COL15A1: variants seen among roughly 807,000 people sequenced by gnomAD.
COL15A1 encodes collagen alpha-1(XV) chain.
COL15A1 carries 111 observed loss-of-function variants against 165.9 expected under a neutral mutation model. That is an observed-to-expected ratio of 0.67 (90% CI 0.57 to 0.78). The LOEUF is 0.78. Among genes scored for constraint, COL15A1 ranks in the 30% least tolerant of loss-of-function variants. COL15A1 has a pLI of 0.00. For synonymous variants in COL15A1, 659 were observed against 674.8 expected, an observed-to-expected ratio of 0.98 and a Z score of 0.36; for missense variants, 1,745 against 1,789.7, an observed-to-expected ratio of 0.98 and a Z score of 0.45.
intron 28 of COL15A1, among the ~76,000 whole-genome samples, chr9:99,048,635 G>T (rs1172783178): frequency 2.6e-5 from 4 of 151,782 alleles, no homozygotes; most frequent in African/African-American, 9.7e-5. Context: ...TTGGTGTGCT[G>T]CACCCATTAA....
chr9:98,955,461 T>A (rs1020188805), intron 2 of COL15A1, among the ~76,000 whole-genome samples: 1 of 152,196 alleles, frequency 6.6e-6, no homozygotes, highest in African/African-American at 2.4e-5. Flanking sequence ...AGCATTTGAA[T>A]AAGTTAATGA....
In COL15A1 at chr9:98,985,737, C is replaced by A; in HGVS notation, c.273C>A (p.Phe91Leu). 6.2e-7 allele frequency: 1 copy of A among 1,614,202 alleles called. No homozygotes were observed. Among genetic ancestry groups the A allele is most frequent in the Non-Finnish European group, 8.5e-7 (1 of 1,180,048 alleles). The change falls in exon 3 of 42, where the codon TTC becomes TTA. Residue 91 changes from phenylalanine to leucine, a missense_variant. By Grantham distance (22) the Phe-to-Leu change is conservative. Transcript: ENST00000375001. ...TLIPSTFFRDFAISVVVKPSS... is the reference protein window; with the variant it reads ...TLIPSTFFRDLAISVVVKPSS... ...TCCCATCCACCTTCTTCAGGGACTTCGCCATCAGCGTCGTGGTGAAGCCCA... is the reference window on the plus strand; with the variant it reads ...TCCCATCCACCTTCTTCAGGGACTTAGCCATCAGCGTCGTGGTGAAGCCCA...
chr9:98,966,100 T>A (rs1837951939), intron 2 of COL15A1, among the ~76,000 whole-genome samples: 1 of 152,124 alleles, frequency 6.6e-6, no homozygotes, highest in South Asian at 2.1e-4. Context: ...CCCTCCTGAC[T>A]CTTCTTCTGG....
chr9:99,010,608 C>A (rs1838834375), intron 9 of COL15A1, among the ~76,000 whole-genome samples: 1 of 152,172 alleles, frequency 6.6e-6, no homozygotes, highest in Non-Finnish European at 1.5e-5. Flanking sequence ...CTCCAGCAAA[C>A]CTTCTGTCGG....
Position 99,052,392 on chromosome 9 carries a change from A to AG in COL15A1, c.2909_2910insG (p.Asp970GlufsTer17), listed in dbSNP as rs1367773415. ...CTGGCCTTCCTCTCTTTCCAGGTTG[A>AG]TACTGCTCATCCTGGGAGTCCAGAG... On this transcript the variant is annotated frameshift_variant, in exon 31 of 42. Transcript: ENST00000375001. LOFTEE classifies it high-confidence loss of function. 6.2e-7 allele frequency: 1 copy of AG among 1,612,212 alleles called. No individual in the cohort carries two copies. Among genetic ancestry groups the AG allele is most frequent in the Non-Finnish European group, 8.5e-7 (1 of 1,178,248 alleles).
At position 98,964,937 on chromosome 9, in the gene COL15A1, C is replaced by T. The variant is rs535080002; in HGVS notation, c.101-20628C>T. ...TGAAGCTATGAGCTCGTTCTGACTG[C>T]GCTGCTTGTCTGCCCTGGCTGAATT... On this transcript the variant is annotated intron_variant, in intron 2 of 41. Transcript: ENST00000375001. 7.2e-5 allele frequency among the ~76,000 whole-genome samples: 11 copies of T among 152,316 alleles called. No individual in the cohort carries two copies. The South Asian group carries it at 1.0e-3, about 14-fold the overall frequency.
chr9:98,985,046 C>T (rs1285313641), intron 2 of COL15A1, among the ~76,000 whole-genome samples: 1 of 152,192 alleles, frequency 6.6e-6, no homozygotes, highest in Non-Finnish European at 1.5e-5. Context: ...CCCACCTGGG[C>T]CTCCCAAAAT....
intron 2 of COL15A1, among the ~76,000 whole-genome samples, chr9:98,965,852 C>A (rs1837947895): frequency 6.6e-6 from 1 of 152,172 alleles, no homozygotes; most frequent in African/African-American, 2.4e-5. Flanking sequence ...GGTGTCTGGT[C>A]CTTTTTTTCC....
At chr9:98,969,383 C>G (rs1484202892) in intron 2 of COL15A1, among the ~76,000 whole-genome samples, 4 of 152,252 alleles carry the variant, frequency 2.6e-5, no homozygotes, top group Admixed American at 2.6e-4. Flanking sequence ...TCGAGAAACT[C>G]TGGCTCAGAG....
chr9:98,952,738 TC>T (rs1837710324), intron 2 of COL15A1, among the ~76,000 whole-genome samples: 1 of 152,216 alleles, frequency 6.6e-6, no homozygotes, highest in African/African-American at 2.4e-5. Context: ...TCCCCAGGTT[TC>T]CCCCAAGTAC....
chr9:99,054,496 G>A, intron 31 of COL15A1, 80 bp from the exon 32 acceptor site: 1 of 1,451,060 alleles, frequency 6.9e-7, no homozygotes, highest in Non-Finnish European at 9.2e-7. Flanking sequence ...AGCTTAGTTT[G>A]AAAACCTGTC....
intron 6 of COL15A1, among the ~76,000 whole-genome samples, chr9:99,000,090 T>G (rs1447220318): frequency 6.6e-6 from 1 of 152,128 alleles, no homozygotes; most frequent in African/African-American, 2.4e-5. Flanking sequence ...AGGCTGGTCT[T>G]GAACTCCTGA....
chr9:98,966,910 T>C (rs1837967165), intron 2 of COL15A1, among the ~76,000 whole-genome samples: 2 of 152,256 alleles, frequency 1.3e-5, no homozygotes, highest in Non-Finnish European at 2.9e-5. Context: ...GAATTCTTTA[T>C]GATTGATGAT....
chr9:99,048,423 G>T (rs1309984093), intron 28 of COL15A1, among the ~76,000 whole-genome samples: 1 of 152,154 alleles, frequency 6.6e-6, no homozygotes, highest in Non-Finnish European at 1.5e-5. Context: ...GGCCTCCCAG[G>T]TTGGCAAACA....
At position 99,070,757 on chromosome 9, in the gene COL15A1, A is replaced by T; in HGVS notation, c.*871A>T. The T allele has an allele frequency of 3.1e-6, 1 of 326,810 alleles. No homozygotes were observed. Among genetic ancestry groups the T allele is most frequent in the Non-Finnish European group, 6.2e-6 (1 of 161,018 alleles). 20.2% of individuals were successfully genotyped at this position (326,810 alleles called of 1,614,324 possible). Reference sequence around the variant, plus strand: ...GGATTTTTTTTCCATGTAAGTGAACATAAAAACATCTTTTCCGGGTGCTTT... The same window carrying T: ...GGATTTTTTTTCCATGTAAGTGAACTTAAAAACATCTTTTCCGGGTGCTTT... On this transcript the variant is annotated 3_prime_UTR_variant, in exon 42 of 42. Coordinates refer to ENST00000375001, the MANE Select transcript of COL15A1 (RefSeq NM_001855.5).
chr9:98,971,716 C>T (rs1838057826), intron 2 of COL15A1, among the ~76,000 whole-genome samples: 1 of 152,258 alleles, frequency 6.6e-6, no homozygotes, highest in Non-Finnish European at 1.5e-5. Flanking sequence ...CGGCTAACTG[C>T]TGCCAGGACT....
intron 2 of COL15A1, among the ~76,000 whole-genome samples, chr9:98,950,114 A>G (rs1837655858): frequency 6.6e-6 from 1 of 152,024 alleles, no homozygotes; most frequent in Non-Finnish European, 1.5e-5. Flanking sequence ...GGTTATTTCT[A>G]CCTTTTGTTT....
intron 39 of COL15A1, 49 bp from the exon 40 acceptor site, chr9:99,066,833 G>A: frequency 6.5e-7 from 1 of 1,540,532 alleles, no homozygotes. Context: ...TCTGGGGGCT[G>A]GAGTTTGCCT....
chr9:99,013,045 G>C (rs1838871888), intron 9 of COL15A1, among the ~76,000 whole-genome samples: 1 of 151,910 alleles, frequency 6.6e-6, no homozygotes, highest in South Asian at 2.1e-4. Context: ...ACTGAGCTGT[G>C]GCCTAGCATT....
Sources: gnomAD v4.1 joint callset for allele counts (sites outside exome capture counted in the v4.1 genomes callset) on GRCh38, gnomAD v4.1.1 for gene constraint, MANE v1.5 for transcripts, NCBI Gene and HGNC (gene_info 2026-07-23, HGNC 2026-07-21) for gene names.